Variants in TRAF3IP1 observed in about 807,000 individuals in gnomAD.
TRAF3IP1 encodes intraflagellar transport 54, also known as TRAF3-interacting protein 1.
Under a neutral mutation model 89.9 loss-of-function variants are expected in TRAF3IP1, and 53 were observed. The ratio of observed to expected loss-of-function variants is 0.59; its 90% CI spans 0.47 to 0.74. The LOEUF (loss-of-function observed/expected upper bound fraction) is 0.74. Ranked by LOEUF, TRAF3IP1 falls within the 30% of genes least tolerant of loss-of-function variation. The pLI, the probability that TRAF3IP1 is intolerant of heterozygous loss-of-function variation, is 0.00. For synonymous variants in TRAF3IP1, 311 were observed against 322.1 expected (o/e 0.97, Z 0.37); for missense variants, 806 against 866.1 (o/e 0.93, Z 0.87).
At chr2:238,368,913 T>G (rs1017468739) in intron 15 of TRAF3IP1, among the ~76,000 whole-genome samples, 10 of 152,164 alleles carry the variant, frequency 6.6e-5, no homozygotes, top group African/African-American at 1.9e-4. Context: ...CCTCAGGCGA[T>G]CCACCCGCCT....
chr2:238,322,339 C>T (rs980251096), intron 1 of TRAF3IP1, among the ~76,000 whole-genome samples: 4 of 152,200 alleles, frequency 2.6e-5, no homozygotes, highest in East Asian at 3.8e-4. Flanking sequence ...GCTCAGCTCA[C>T]GGTGGCTGTC....
In TRAF3IP1 at chr2:238,398,763, CTG is replaced by C; in HGVS notation, c.1923_1924del (p.Ala642ArgfsTer7). On this transcript the variant is annotated frameshift_variant, in exon 17 of 17. Coordinates refer to ENST00000373327, the MANE Select transcript of TRAF3IP1 (RefSeq NM_015650.4). LOFTEE classifies it high-confidence loss of function. Reference protein sequence around the residue: ...ALQQEQRITDCAVEPLKAELA... With the variant: ...ALQQEQRITDXAVEPLKAELA... ...TTTTGTTCTCCCTCAGGATCACAGA[CTG>C]TGCCGTGGAGCCCTTAAAGGCTGAG... 2 of 1,596,918 alleles carry C rather than the reference CTG, an allele frequency of 1.3e-6. No homozygotes were observed. Among genetic ancestry groups the C allele is most frequent in the Non-Finnish European group, 1.7e-6 (2 of 1,175,394 alleles).
chr2:238,388,594 T>G (rs914319095), intron 15 of TRAF3IP1, among the ~76,000 whole-genome samples: 1 of 57,610 alleles, frequency 1.7e-5, no homozygotes, highest in East Asian at 4.5e-4. Flanking sequence ...AGAACACAAC[T>G]TTTTTTTTTT....
chr2:238,325,526 C>G, intron 2 of TRAF3IP1, 152 bp downstream of exon 2: 1 of 787,266 alleles, frequency 1.3e-6, no homozygotes, highest in Non-Finnish European at 2.0e-6. Context: ...TACCCTTTCT[C>G]ATTTCATTTT....
chr2:238,385,388 A>C (rs1026803293), intron 15 of TRAF3IP1, among the ~76,000 whole-genome samples: 1 of 152,250 alleles, frequency 6.6e-6, no homozygotes, highest in South Asian at 2.1e-4. Context: ...GGATAAAATC[A>C]CTAGTCAGTG....
intron 15 of TRAF3IP1, among the ~76,000 whole-genome samples, chr2:238,369,019 C>A (rs781547585): frequency 6.6e-6 from 1 of 152,104 alleles, no homozygotes; most frequent in Non-Finnish European, 1.5e-5. Context: ...TATACTCTTA[C>A]ATGATGCACC....
intron 15 of TRAF3IP1, among the ~76,000 whole-genome samples, chr2:238,372,374 T>A: frequency 6.6e-6 from 1 of 152,106 alleles, no homozygotes; most frequent in East Asian, 1.9e-4. Flanking sequence ...AGTGAGAACA[T>A]GTGGTGTTTG....
intron 15 of TRAF3IP1, among the ~76,000 whole-genome samples, chr2:238,367,788 T>C (rs532999892): frequency 6.6e-6 from 1 of 152,208 alleles, no homozygotes; most frequent in South Asian, 2.1e-4. Flanking sequence ...GGATCCAAAC[T>C]CTTATCTAGC....
intron 1 of TRAF3IP1, among the ~76,000 whole-genome samples, chr2:238,321,338 C>T (rs1697533760): frequency 6.6e-6 from 1 of 152,226 alleles, no homozygotes; most frequent in Non-Finnish European, 1.5e-5. Context: ...AAGGCACTCC[C>T]TAAATCCTGG....
intron 15 of TRAF3IP1, among the ~76,000 whole-genome samples, chr2:238,368,731 C>G (rs556675076): frequency 6.6e-6 from 1 of 152,186 alleles, no homozygotes; most frequent in South Asian, 2.1e-4. Flanking sequence ...AGTGCAATGG[C>G]GTGATCTCGG....
intron 15 of TRAF3IP1, among the ~76,000 whole-genome samples, chr2:238,372,254 G>A (rs1700140816): frequency 1.3e-5 from 2 of 152,044 alleles, no homozygotes; most frequent in Admixed American, 1.3e-4. Flanking sequence ...TACATTAGGT[G>A]TTTCTCCTAA....
Position 238,334,391 on chromosome 2 carries a change from G to T in TRAF3IP1, c.1063+356G>T, listed in dbSNP as rs192668698. Among the ~76,000 whole-genome samples, 94 of 152,366 alleles carry T rather than the reference G, an allele frequency of 6.2e-4. 1 individual carries two copies. In the South Asian group the frequency reaches 0.019, roughly 31 times the overall value. On this transcript the variant is annotated intron_variant, in intron 7 of 16. Transcript: ENST00000373327. The stretch of plus-strand genomic sequence containing the variant: ...CAGTCTGCATTTAATCCTGATGCAG[G>T]TTGGATATAGAGCATGTAGGCAGAT...
intron 1 of TRAF3IP1, among the ~76,000 whole-genome samples, chr2:238,323,141 C>G (rs1697645487): frequency 1.3e-5 from 2 of 151,180 alleles, no homozygotes; most frequent in African/African-American, 4.9e-5. Context: ...TGCAGTGACA[C>G]AGTCTCCACT....
Position 238,320,518 on chromosome 2 carries a change from G to T in TRAF3IP1, c.-145G>T. The T allele has an allele frequency of 1.0e-6, 1 of 979,554 alleles. No individual in the cohort carries two copies. The highest frequency in any genetic ancestry group is 1.2e-6 in the Non-Finnish European group (1 of 817,022). 60.7% of individuals were successfully genotyped at this position (979,554 alleles called of 1,614,324 possible). A position where few individuals can be genotyped will look rare whatever the true frequency, so the allele number is the denominator to read the frequency against. On this transcript the variant is annotated 5_prime_UTR_variant, in exon 1 of 17. Coordinates refer to ENST00000373327, the MANE Select transcript of TRAF3IP1 (RefSeq NM_015650.4). The stretch of plus-strand genomic sequence containing the variant: ...CGCAGGCGCTGTGGTGGGCTCCGGT[G>T]CACTGTGGGATGGAAACCGGAGCGG...
At position 238,328,727 on chromosome 2, in the gene TRAF3IP1, G is replaced by A. The variant is rs144577497; in HGVS notation, c.396G>A (p.Glu132=). 6 of 1,613,908 alleles carry A rather than the reference G, an allele frequency of 3.7e-6. No homozygotes were observed. In the South Asian group the frequency reaches 5.5e-5, roughly 15 times the overall value. Residue 132 remains glutamate, a synonymous_variant, in exon 4 of 17, where the codon GAG becomes GAA. Coordinates refer to ENST00000373327, the MANE Select transcript of TRAF3IP1 (RefSeq NM_015650.4). ...CGGTGCGGAGGGTTTTAGCTGGAGA[G>A]AAGGGAGAAGTGAAAGGCCGGGCCT... The part of the protein sequence containing the change: ...DDAVRRVLAG[E]KGEVKGRASL...
At chr2:238,394,295 T>A (rs1701120072) in intron 15 of TRAF3IP1, among the ~76,000 whole-genome samples, 1 of 152,252 alleles carries the variant, frequency 6.6e-6, no homozygotes, top group Admixed American at 6.5e-5. Context: ...TCTGTATACA[T>A]TTTAGGATAA....
intron 15 of TRAF3IP1, among the ~76,000 whole-genome samples, chr2:238,359,621 A>G (rs2106335965): frequency 6.6e-6 from 1 of 152,310 alleles, no homozygotes; most frequent in East Asian, 1.9e-4. Flanking sequence ...TCATCCATGT[A>G]TCAGTTGATG....
At chr2:238,341,082 A>G (rs1039385955) in intron 8 of TRAF3IP1, among the ~76,000 whole-genome samples, 16 of 152,002 alleles carry the variant, frequency 1.1e-4, no homozygotes, top group African/African-American at 3.9e-4. Flanking sequence ...GTGCAGTGGT[A>G]TGATCATAGC....
In TRAF3IP1 at chr2:238,388,374, C is replaced by CAAA. The variant is rs71043134; in HGVS notation, c.1690-9069_1690-9067dup. 2.9e-3 allele frequency among the ~76,000 whole-genome samples: 296 copies of CAAA among 101,554 alleles called. 11 individuals carry two copies. Among genetic ancestry groups the CAAA allele is most frequent in the Admixed American group, 0.022 (205 of 9,134 alleles). 66.6% of individuals were successfully genotyped at this position (101,554 alleles called of 152,430 possible). Reference sequence around the variant, plus strand: ...TGAGGGACAGAGGGAGACCCTGTCTCAAAAAAAAAAAAAAAAAAGGATGTG... The same window carrying CAAA: ...TGAGGGACAGAGGGAGACCCTGTCTCAAAAAAAAAAAAAAAAAAAAAGGATGTG... On this transcript the variant is annotated intron_variant, in intron 15 of 16. Coordinates refer to ENST00000373327, the MANE Select transcript of TRAF3IP1 (RefSeq NM_015650.4).
Sources: gnomAD v4.1 joint callset for allele counts (sites outside exome capture counted in the v4.1 genomes callset) on GRCh38, gnomAD v4.1.1 for gene constraint, MANE v1.5 for transcripts, NCBI Gene and HGNC (gene_info 2026-07-23, HGNC 2026-07-21) for gene names.